Variants in SFSWAP observed in about 807,000 individuals in gnomAD.
The protein encoded by SFSWAP is splicing factor, suppressor of white-apricot homolog.
In SFSWAP, 17 loss-of-function variants were observed where a neutral mutation model predicts 100.7. The ratio of observed to expected loss-of-function variants is 0.17; its 90% CI spans 0.12 to 0.25. SFSWAP has a LOEUF of 0.25. SFSWAP is among the 10% of genes least tolerant of loss of function. SFSWAP has a pLI of 1.00. For synonymous variants in SFSWAP, 504 were observed against 510.1 expected (o/e 0.99, Z 0.16); for missense variants, 1,005 against 1,262.6 (o/e 0.80, Z 3.09).
chr12:131,785,212 C>G (rs1566056649), intron 14 of SFSWAP: 5 of 1,535,196 alleles, frequency 3.3e-6, no homozygotes, highest in Non-Finnish European at 4.4e-6. Context: ...TGAGGGAAAA[C>G]CTGGTAAAAC....
intron 14 of SFSWAP, chr12:131,783,810 AT>A: frequency 7.5e-6 from 1 of 133,776 alleles, no homozygotes; most frequent in Non-Finnish European, 1.6e-5. Flanking sequence ...ATATATATAT[AT>A]ATATATATAT....
intron 14 of SFSWAP, among the ~76,000 whole-genome samples, chr12:131,782,355 T>C (rs1303210578): frequency 6.6e-6 from 1 of 152,160 alleles, no homozygotes; most frequent in Non-Finnish European, 1.5e-5. Flanking sequence ...AAGTTAGAAA[T>C]GGGAGGGGTG....
intron 9 of SFSWAP, among the ~76,000 whole-genome samples, chr12:131,754,925 G>A (rs923192422): frequency 1.3e-5 from 2 of 152,040 alleles, no homozygotes; most frequent in Non-Finnish European, 2.9e-5. Flanking sequence ...GAGCCACCAC[G>A]CCCAACCAAT....
chr12:131,743,903 C>A (rs1880887839), intron 7 of SFSWAP, among the ~76,000 whole-genome samples: 1 of 152,238 alleles, frequency 6.6e-6, no homozygotes, highest in African/African-American at 2.4e-5. Flanking sequence ...TGGGCACTTG[C>A]AGGCTCAACA....
chr12:131,790,518 A>C (rs1277564133), intron 15 of SFSWAP, among the ~76,000 whole-genome samples: 1 of 152,240 alleles, frequency 6.6e-6, no homozygotes, highest in Non-Finnish European at 1.5e-5. Flanking sequence ...AGTGTTTTTC[A>C]GCCAGGCACA....
chr12:131,791,997 G>A (rs1885265920), intron 15 of SFSWAP, among the ~76,000 whole-genome samples: 1 of 152,214 alleles, frequency 6.6e-6, no homozygotes, highest in South Asian at 2.1e-4. Flanking sequence ...GCACCCGTGT[G>A]TGTGCACAGA....
rs999387086 is a variant in SFSWAP at position 131,778,385 on chromosome 12, CA to C, written c.2408+56del. On this transcript the variant is annotated intron_variant, in intron 14 of 17. Transcript: ENST00000261674. The surrounding 1 kb of genome is among the most constrained non-coding windows in gnomAD (Gnocchi z 4.2). Reference sequence around the variant, plus strand: ...ACCCTCATGACCCCCATGTCCTTCACAGGACACCCAGTAGAGCTAGGTAGAA... The same window carrying C: ...ACCCTCATGACCCCCATGTCCTTCACGGACACCCAGTAGAGCTAGGTAGAA... 6.3e-7 allele frequency: 1 copy of C among 1,578,060 alleles called. No homozygotes were observed. The highest frequency in any genetic ancestry group is 8.6e-7 in the Non-Finnish European group (1 of 1,163,600).
intron 3 of SFSWAP, among the ~76,000 whole-genome samples, chr12:131,719,004 G>A (rs1029854579): frequency 3.3e-5 from 5 of 152,164 alleles, no homozygotes; most frequent in African/African-American, 4.8e-5. Flanking sequence ...TTTGAATTGC[G>A]TAGGTCCGCT....
chr12:131,763,674 AAT>A (rs1454384819), intron 11 of SFSWAP, among the ~76,000 whole-genome samples: 1 of 152,202 alleles, frequency 6.6e-6, no homozygotes, highest in African/African-American at 2.4e-5. Context: ...ATGTTTGCTG[AAT>A]AAAGGCATGG....
intron 14 of SFSWAP, chr12:131,785,182 T>G (rs1467560565): frequency 1.3e-6 from 2 of 1,535,716 alleles, no homozygotes; most frequent in South Asian, 2.4e-5. Flanking sequence ...CACCACCAGA[T>G]TTGACTCCGC....
chr12:131,728,651 C>G (rs2136191238), intron 7 of SFSWAP, among the ~76,000 whole-genome samples: 1 of 152,014 alleles, frequency 6.6e-6, no homozygotes, highest in African/African-American at 2.4e-5. Context: ...GCTGTGCATT[C>G]CAGGAAGGAG....
chr12:131,793,863 A>T (rs1885446123), intron 15 of SFSWAP, among the ~76,000 whole-genome samples: 1 of 151,998 alleles, frequency 6.6e-6, no homozygotes, highest in Non-Finnish European at 1.5e-5. Flanking sequence ...AACCAACGAG[A>T]CAGGACTAGA....
intron 1 of SFSWAP, chr12:131,712,268 C>T (rs1877441308): frequency 1.3e-5 from 2 of 152,164 alleles, no homozygotes; most frequent in South Asian, 2.1e-4. Flanking sequence ...GCAGTGGGGG[C>T]CTGGGATTAG....
intron 13 of SFSWAP, among the ~76,000 whole-genome samples, chr12:131,777,214 C>A (rs1343652316): frequency 6.6e-6 from 1 of 152,118 alleles, no homozygotes; most frequent in Non-Finnish European, 1.5e-5. Context: ...CATATGTATA[C>A]ATGTGCCATG....
At chr12:131,773,767 C>T (rs1329753246) in intron 13 of SFSWAP, among the ~76,000 whole-genome samples, 1 of 152,212 alleles carries the variant, frequency 6.6e-6, no homozygotes, top group Non-Finnish European at 1.5e-5. Context: ...TGCTGAGGTG[C>T]TTTGGGATAT....
At chr12:131,774,559 TG>T (rs1329766919) in intron 13 of SFSWAP, among the ~76,000 whole-genome samples, 1 of 152,220 alleles carries the variant, frequency 6.6e-6, no homozygotes, top group Non-Finnish European at 1.5e-5. Flanking sequence ...CATTCAAACA[TG>T]ACTTCCGTTT....
chr12:131,715,165 T>A (rs1218330998), intron 3 of SFSWAP, among the ~76,000 whole-genome samples: 2 of 152,242 alleles, frequency 1.3e-5, no homozygotes, highest in Non-Finnish European at 2.9e-5. Context: ...TGCGTTGGAT[T>A]ATTTATTTCT....
chr12:131,759,900 T>C (rs1393495913), intron 11 of SFSWAP, among the ~76,000 whole-genome samples: 2 of 152,200 alleles, frequency 1.3e-5, no homozygotes, highest in African/African-American at 4.8e-5. Flanking sequence ...GACCTTCTAG[T>C]ATAGTTTACA....
chr12:131,724,703 A>T (rs1878793614), intron 4 of SFSWAP, among the ~76,000 whole-genome samples: 1 of 152,172 alleles, frequency 6.6e-6, no homozygotes, highest in Non-Finnish European at 1.5e-5. Context: ...CGTTGAAGTG[A>T]CTCCTTAGCA....
Sources: allele counts gnomAD v4.1 joint callset (sites outside exome capture counted in the v4.1 genomes callset), GRCh38; gene constraint gnomAD v4.1.1; non-coding constraint Gnocchi (gnomAD v3.1); transcripts MANE v1.5; gene names NCBI Gene and HGNC (gene_info 2026-07-23, HGNC 2026-07-21).